The following ASIC2 variants were observed in gnomAD, a reference collection of about 807,000 sequenced individuals.
The protein encoded by ASIC2 is acid sensing ion channel subunit 2, also known as acid-sensing ion channel 2.
A neutral mutation model predicts 57.3 loss-of-function variants in ASIC2; 25 were observed. That is an observed-to-expected ratio of 0.44 (90% CI 0.32 to 0.61). The LOEUF (loss-of-function observed/expected upper bound fraction) is 0.61. Among genes scored for constraint, ASIC2 ranks in the 20% least tolerant of loss-of-function variants. ASIC2 has a pLI of 0.06. For missense variants in ASIC2, 641 were observed against 738.1 expected (o/e 0.87, Z 1.52); for synonymous variants, 319 against 307.5 (o/e 1.04, Z -0.39).
At chr17:33,803,386 T>C (rs546817629) in intron 1 of ASIC2, among the ~76,000 whole-genome samples, 27 of 152,192 alleles carry the variant, frequency 1.8e-4, no homozygotes, top group African/African-American at 4.1e-4. Context: ...GAGATTTGCA[T>C]ACATGTGGAT....
chr17:33,705,172 C>T (rs1229687873), intron 1 of ASIC2, among the ~76,000 whole-genome samples: 2 of 152,118 alleles, frequency 1.3e-5, no homozygotes. Context: ...TAGCATTTTA[C>T]ATGAGTAATG....
At chr17:34,028,414 A>T (rs1907457915) in intron 1 of ASIC2, among the ~76,000 whole-genome samples, 1 of 152,192 alleles carries the variant, frequency 6.6e-6, no homozygotes, top group African/African-American at 2.4e-5. Context: ...TGTCCTAGGA[A>T]CTATATTAGT....
chr17:33,171,086 T>C (rs547446609), intron 1 of ASIC2, among the ~76,000 whole-genome samples: 2 of 152,300 alleles, frequency 1.3e-5, no homozygotes, highest in East Asian at 1.9e-4. Context: ...AACCCCTCAA[T>C]GGACTGGTGA....
intron 1 of ASIC2, among the ~76,000 whole-genome samples, chr17:34,086,459 C>G (rs1411390500): frequency 3.0e-4 from 45 of 151,990 alleles, no homozygotes; most frequent in Non-Finnish European, 5.4e-4. Flanking sequence ...TTACTTCCAA[C>G]TATGTGGTCA....
At chr17:33,036,137 G>A (rs1480180807) in intron 3 of ASIC2, among the ~76,000 whole-genome samples, 1 of 152,294 alleles carries the variant, frequency 6.6e-6, no homozygotes, top group East Asian at 1.9e-4. Context: ...TCTGATATTA[G>A]CTTCTCCACC....
At chr17:34,143,854 T>C (rs1912341149) in intron 1 of ASIC2, among the ~76,000 whole-genome samples, 1 of 152,226 alleles carries the variant, frequency 6.6e-6, no homozygotes, top group African/African-American at 2.4e-5. Flanking sequence ...GGCTGCTCAG[T>C]GTTGAGTTTC....
chr17:33,023,655 A>G (rs1295469725), intron 6 of ASIC2, among the ~76,000 whole-genome samples: 1 of 152,118 alleles, frequency 6.6e-6, no homozygotes. Context: ...TAAGACTGCA[A>G]GCTCCTTAAG....
intron 1 of ASIC2, among the ~76,000 whole-genome samples, chr17:33,341,778 A>C (rs62069383): frequency 2.0e-3 from 303 of 152,332 alleles, no homozygotes; most frequent in Non-Finnish European, 1.8e-3. Context: ...GTGGATACAC[A>C]GTTGAGAAAC....
intron 1 of ASIC2, among the ~76,000 whole-genome samples, chr17:33,822,084 A>G (rs1912760733): frequency 6.6e-6 from 1 of 152,184 alleles, no homozygotes; most frequent in Non-Finnish European, 1.5e-5. Context: ...CGTCAGCTTC[A>G]TCATCTGTAA....
intron 1 of ASIC2, among the ~76,000 whole-genome samples, chr17:33,622,291 G>A (rs1229595419): frequency 6.6e-6 from 1 of 152,100 alleles, no homozygotes; most frequent in Non-Finnish European, 1.5e-5. Flanking sequence ...AGATGGAGAA[G>A]CCAGGGCAAA....
intron 1 of ASIC2, among the ~76,000 whole-genome samples, chr17:33,825,207 A>T (rs1039372379): frequency 6.6e-6 from 1 of 152,136 alleles, no homozygotes; most frequent in African/African-American, 2.4e-5. Context: ...AGTAAATACC[A>T]TATCATAAGA....
At chr17:33,960,946 A>G (rs1388860635) in intron 1 of ASIC2, among the ~76,000 whole-genome samples, 1 of 152,152 alleles carries the variant, frequency 6.6e-6, no homozygotes, top group African/African-American at 2.4e-5. Context: ...CAACAAATAA[A>G]TATTTGTTGA....
chr17:34,120,728 T>C (rs906496415), intron 1 of ASIC2, among the ~76,000 whole-genome samples: 2 of 145,116 alleles, frequency 1.4e-5, no homozygotes, highest in Non-Finnish European at 3.0e-5. Flanking sequence ...CCTTCTTTTT[T>C]TTTTTTTTTT....
chr17:33,444,394 G>A (rs1911936743), intron 1 of ASIC2, among the ~76,000 whole-genome samples: 1 of 152,232 alleles, frequency 6.6e-6, no homozygotes, highest in Non-Finnish European at 1.5e-5. Flanking sequence ...GAGGGGCGTA[G>A]AGTGGGTAAC....
At chr17:33,052,976 A>G (rs1033032448) in intron 3 of ASIC2, 7 of 152,146 alleles carry the variant, frequency 4.6e-5, no homozygotes, top group African/African-American at 1.7e-4. Flanking sequence ...GAAAACCTAC[A>G]GGAGGACAGA....
At chr17:33,310,820 T>A (rs955031082) in intron 1 of ASIC2, among the ~76,000 whole-genome samples, 4 of 152,228 alleles carry the variant, frequency 2.6e-5, no homozygotes, top group Admixed American at 1.3e-4. Context: ...AATATATAGA[T>A]AGATATAGGT....
At chr17:33,240,229 A>G (rs1908450959) in intron 1 of ASIC2, among the ~76,000 whole-genome samples, 1 of 152,164 alleles carries the variant, frequency 6.6e-6, no homozygotes, top group South Asian at 2.1e-4. Context: ...TGGAGCACAG[A>G]TGGCTATCAC....
At chr17:33,943,188 G>A (rs908563377) in intron 1 of ASIC2, among the ~76,000 whole-genome samples, 2 of 152,202 alleles carry the variant, frequency 1.3e-5, no homozygotes, top group African/African-American at 4.8e-5. Flanking sequence ...ATCCAGTACA[G>A]TAAAAATATA....
intron 1 of ASIC2, among the ~76,000 whole-genome samples, chr17:33,574,099 C>T (rs1916541473): frequency 1.3e-5 from 2 of 152,180 alleles, no homozygotes; most frequent in South Asian, 2.1e-4. Context: ...TGGTTCTGTT[C>T]GTTTAGGTGT....
Sources: allele counts gnomAD v4.1 joint callset (sites outside exome capture counted in the v4.1 genomes callset), GRCh38; gene constraint gnomAD v4.1.1; transcripts MANE v1.5; gene names NCBI Gene and HGNC (gene_info 2026-07-23, HGNC 2026-07-21).